OSBPL1A: variants seen among roughly 807,000 people sequenced by gnomAD.
OSBPL1A encodes the protein oxysterol-binding protein-related protein 1.
In OSBPL1A, 80 loss-of-function variants were observed where a neutral mutation model predicts 137.1. That is an observed-to-expected ratio of 0.58 (90% CI 0.49 to 0.70). The LOEUF (loss-of-function observed/expected upper bound fraction) is 0.70. Ranked by LOEUF, OSBPL1A falls within the 30% of genes least tolerant of loss-of-function variation. The pLI, the probability that OSBPL1A is intolerant of heterozygous loss-of-function variation, is 0.00. For synonymous variants in OSBPL1A, 365 were observed against 389.7 expected (o/e 0.94, Z 0.75); for missense variants, 970 against 1,129.4 (o/e 0.86, Z 2.02).
At chr18:24,219,288 G>A (rs1286217830) in intron 17 of OSBPL1A, among the ~76,000 whole-genome samples, 1 of 152,020 alleles carries the variant, frequency 6.6e-6, no homozygotes. Context: ...GTGAGACCCT[G>A]TCTCACAACA....
At chr18:24,357,327 T>C (rs963613767) in intron 4 of OSBPL1A, 1 of 152,144 alleles carries the variant, frequency 6.6e-6, no homozygotes, top group Non-Finnish European at 1.5e-5. Flanking sequence ...TGTTTTTACA[T>C]AAGATGACAT....
chr18:24,307,825 T>C (rs2090532242), intron 13 of OSBPL1A, among the ~76,000 whole-genome samples: 1 of 152,208 alleles, frequency 6.6e-6, no homozygotes, highest in Non-Finnish European at 1.5e-5. Flanking sequence ...TCTATCACCC[T>C]ATTGCCCAGG....
intron 7 of OSBPL1A, among the ~76,000 whole-genome samples, chr18:24,331,436 G>A (rs1297887758): frequency 1.4e-5 from 2 of 146,188 alleles, no homozygotes; most frequent in African/African-American, 5.1e-5. Context: ...TCGCTCTGTC[G>A]CCCAGGCTGG....
intron 18 of OSBPL1A, among the ~76,000 whole-genome samples, chr18:24,187,321 T>C (rs1334755952): frequency 2.0e-5 from 3 of 152,168 alleles, no homozygotes; most frequent in African/African-American, 7.2e-5. Flanking sequence ...GTGGTGATGG[T>C]AGCACAGCAG....
At chr18:24,176,550 A>G (rs1048647882) in intron 21 of OSBPL1A, among the ~76,000 whole-genome samples, 1 of 151,288 alleles carries the variant, frequency 6.6e-6, no homozygotes, top group Non-Finnish European at 1.5e-5. Flanking sequence ...ATGCTGAATG[A>G]TTTTGGATTG....
At chr18:24,169,862 A>T (rs1428190695) in intron 24 of OSBPL1A, among the ~76,000 whole-genome samples, 1 of 152,240 alleles carries the variant, frequency 6.6e-6, no homozygotes, top group Non-Finnish European at 1.5e-5. Flanking sequence ...GTAAGAGGAA[A>T]GCAGCCCAGG....
At chr18:24,358,135 G>A (rs1000177511) in intron 4 of OSBPL1A, 9 of 355,022 alleles carry the variant, frequency 2.5e-5, no homozygotes, top group African/African-American at 1.9e-4. Context: ...AAACTCAGGT[G>A]TGTCCTGGTA....
At chr18:24,312,304 G>A (rs2090633455) in intron 12 of OSBPL1A, among the ~76,000 whole-genome samples, 198 bp from the exon 13 acceptor site, 3 of 152,122 alleles carry the variant, frequency 2.0e-5, no homozygotes, top group South Asian at 4.1e-4. Context: ...GCTTTTCCTA[G>A]TACTTTAAAA....
intron 4 of OSBPL1A, among the ~76,000 whole-genome samples, chr18:24,344,801 G>T (rs2091319082): frequency 6.6e-6 from 1 of 151,904 alleles, no homozygotes; most frequent in Admixed American, 6.6e-5. Context: ...AAAAGAGAAT[G>T]TGGGGGATTT....
chr18:24,201,749 C>A (rs2087227221), intron 17 of OSBPL1A, among the ~76,000 whole-genome samples: 1 of 151,544 alleles, frequency 6.6e-6, no homozygotes, highest in Admixed American at 6.6e-5. Context: ...GGCAACAGAC[C>A]AAGAGTCCAT....
At chr18:24,241,491 AG>A (rs2088691558) in intron 15 of OSBPL1A, among the ~76,000 whole-genome samples, 1 of 152,264 alleles carries the variant, frequency 6.6e-6, no homozygotes, top group South Asian at 2.1e-4. Flanking sequence ...ACTTCTCAAA[AG>A]AAGGCGTTTA....
At chr18:24,332,829 G>T in intron 7 of OSBPL1A, 113 bp downstream of exon 7, 1 of 1,291,132 alleles carries the variant, frequency 7.7e-7, no homozygotes, top group Non-Finnish European at 1.1e-6. Context: ...AAATTAAATA[G>T]AAACCATACA....
chr18:24,176,149 C>G (rs2145917540), intron 21 of OSBPL1A, among the ~76,000 whole-genome samples: 1 of 152,300 alleles, frequency 6.6e-6, no homozygotes, highest in Admixed American at 6.5e-5. Context: ...TCCATACAAA[C>G]TTAGAATTCG....
chr18:24,172,175 G>A (rs1685233), intron 22 of OSBPL1A, among the ~76,000 whole-genome samples: 2 of 151,998 alleles, frequency 1.3e-5, no homozygotes, highest in Non-Finnish European at 2.9e-5. Context: ...TCCTGACCTC[G>A]TGATCCACCC....
At chr18:24,231,899 T>G (rs2088294705) in intron 16 of OSBPL1A, among the ~76,000 whole-genome samples, 1 of 152,216 alleles carries the variant, frequency 6.6e-6, no homozygotes, top group African/African-American at 2.4e-5. Context: ...AAGCACTTTT[T>G]TATCCTGACC....
At chr18:24,232,597 A>C (rs530889255) in intron 16 of OSBPL1A, among the ~76,000 whole-genome samples, 4 of 152,390 alleles carry the variant, frequency 2.6e-5, no homozygotes, top group Middle Eastern at 3.4e-3. Context: ...TACCAAATCC[A>C]GAGCTTCCCA....
At chr18:24,311,925 C>A (rs2090625424) in intron 13 of OSBPL1A, 59 bp downstream of exon 13, 3 of 1,590,030 alleles carry the variant, frequency 1.9e-6, no homozygotes, top group Non-Finnish European at 2.6e-6. Flanking sequence ...GAAAAAAGTT[C>A]TTGATTAAAC....
intron 27 of OSBPL1A, 76 bp downstream of exon 27, chr18:24,164,989 G>A: frequency 1.4e-5 from 20 of 1,448,082 alleles, no homozygotes; most frequent in Non-Finnish European, 1.7e-5. Context: ...GGGTCACAGT[G>A]TCTGGCATCC....
rs76234414 is a variant in OSBPL1A, at chr18:24,292,606, G to A, written c.1174+11031C>T. Among the ~76,000 whole-genome samples the A allele has an allele frequency of 1.3e-3, 198 of 152,108 alleles. 3 individuals carry two copies. In the East Asian group the frequency reaches 0.033, roughly 25 times the overall value. The stretch of plus-strand genomic sequence containing the variant: ...TTCTGTTGAGGTACCAAAGATAATC[G>A]GCAAACAGGTAAAAATCCCTGCCCT... On this transcript the variant is annotated intron_variant, in intron 14 of 27. Transcript: ENST00000319481.
Sources: gnomAD v4.1 joint callset for allele counts (sites outside exome capture counted in the v4.1 genomes callset) on GRCh38, gnomAD v4.1.1 for gene constraint, MANE v1.5 for transcripts, NCBI Gene and HGNC (gene_info 2026-07-23, HGNC 2026-07-21) for gene names.